THUMPD3: variants seen among roughly 807,000 people sequenced by gnomAD.
THUMPD3 encodes tRNA (guanine(6)-N(2))-methyltransferase THUMP3.
In THUMPD3, 44 loss-of-function variants were observed where a neutral mutation model predicts 54.5. The observed-to-expected ratio is 0.81, with a 90% confidence interval of 0.63 to 1.04. The LOEUF (loss-of-function observed/expected upper bound fraction) is 1.04. THUMPD3 is among the 50% of genes least tolerant of loss of function. The probability of loss-of-function intolerance (pLI) is 0.00; values close to 1 mark genes in which losing one functional copy is unlikely to be tolerated. For missense variants in THUMPD3, 604 were observed against 601.3 expected, an observed-to-expected ratio of 1.00 and a Z score of -0.05; for synonymous variants, 196 against 201.4, an observed-to-expected ratio of 0.97 and a Z score of 0.23.
At chr3:9,370,500 A>T (rs1442532368) in intron 3 of THUMPD3, among the ~76,000 whole-genome samples, 1 of 152,198 alleles carries the variant, frequency 6.6e-6, no homozygotes. Flanking sequence ...GCTGGAGTGC[A>T]TTGGCGTGAT....
chr3:9,383,220 C>T lies in THUMPD3; in HGVS notation c.1146C>T (p.Pro382=). The part of the protein sequence containing the change: ...IKEGKPSWGL[P]IDAVQWDICN... The stretch of plus-strand genomic sequence containing the variant: ...ACAGCAAACCCTCCTGGGGCTTGCC[C>T]ATAGATGCTGTTCAGTGGGATATCT... The change falls in exon 8 of 10, where the codon CCC becomes CCT. Residue 382 remains proline (P), a synonymous_variant. Coordinates refer to ENST00000452837, the MANE Select transcript of THUMPD3 (RefSeq NM_001114092.2). 1.2e-6 allele frequency: 2 copies of T among 1,613,974 alleles called. No homozygotes were observed. Among genetic ancestry groups the T allele is most frequent in the Admixed American group, 3.3e-5 (2 of 60,016 alleles).
At chr3:9,374,166 A>G (rs1384712600) in intron 4 of THUMPD3, among the ~76,000 whole-genome samples, 1 of 152,206 alleles carries the variant, frequency 6.6e-6, no homozygotes, top group Non-Finnish European at 1.5e-5. Flanking sequence ...TATAGTATAT[A>G]GTTTTTTTCG....
At chr3:9,379,860 T>G (rs1481661286) in intron 6 of THUMPD3, among the ~76,000 whole-genome samples, 1 of 151,928 alleles carries the variant, frequency 6.6e-6, no homozygotes, top group Admixed American at 6.6e-5. Context: ...CCCAGCTGAT[T>G]TTTGTGTTTT....
chr3:9,384,180 A>G (rs1390100109), intron 8 of THUMPD3, 32 bp from the exon 9 acceptor site: 13 of 1,604,804 alleles, frequency 8.1e-6, no homozygotes, highest in Non-Finnish European at 1.0e-5. Context: ...TATCTTTTGC[A>G]AGTGTTTGAC....
chr3:9,365,063 G>A lies in THUMPD3; in HGVS notation c.-6G>A, dbSNP rs377385576. 2.0e-5 allele frequency: 32 copies of A among 1,612,778 alleles called. No homozygotes were observed. The African/African-American group carries it at 3.7e-4, about 19-fold the overall frequency. On this transcript the variant is annotated 5_prime_UTR_variant, in exon 2 of 10. Transcript: ENST00000452837. The stretch of plus-strand genomic sequence containing the variant: ...CAGTGTTAGGGATCTTGGAAGCACA[G>A]CCAACATGTGTGACATTGAAGAAGC...
chr3:9,385,098 C>T lies in THUMPD3; in HGVS notation c.*410C>T. The stretch of plus-strand genomic sequence containing the variant: ...GAGGTTGCGGTGAGTCGAGATCACG[C>T]CATTGCACTCCAGCCTGTGCGACAA... On this transcript the variant is annotated 3_prime_UTR_variant, in exon 10 of 10. Transcript: ENST00000452837. 6.0e-6 allele frequency: 1 copy of T among 167,296 alleles called. No homozygotes were observed. Among genetic ancestry groups the T allele is most frequent in the Non-Finnish European group, 1.3e-5 (1 of 76,220 alleles). The allele number at this position is 167,296 out of a possible 1,614,324, so 10.4% of individuals were successfully genotyped here.
rs761831168 is a variant in THUMPD3 at position 9,371,319 on chromosome 3, T to G, written c.590T>G (p.Val197Gly). Residue 197 changes from valine (V) to glycine (G), a missense_variant, in exon 4 of 10, where the codon GTA becomes GGA. Physicochemically the swap from Val to Gly is moderately radical, Grantham distance 109 (BLOSUM62 -3). Coordinates refer to ENST00000452837, the MANE Select transcript of THUMPD3 (RefSeq NM_001114092.2). ...GAAAATCCAGCCATCAAAGAGGATG[T>G]ATCAACATTAATAGGTGATGATTTG... Reference protein sequence around the residue: ...YYENPAIKEDVSTLIGDDLAS... With the variant: ...YYENPAIKEDGSTLIGDDLAS... 2.5e-6 allele frequency: 4 copies of G among 1,614,062 alleles called. No individual in the cohort carries two copies. The East Asian group carries it at 8.9e-5, about 36-fold the overall frequency.
rs1397390944 is a variant in THUMPD3, at chr3:9,386,396, C to T, written c.*1708C>T. Reference sequence around the variant, plus strand: ...CCCCACCCCCCCACCCCCCACTCCACCCCCCACTAAGGGCAGGGTATTGTA... The same window carrying T: ...CCCCACCCCCCCACCCCCCACTCCATCCCCCACTAAGGGCAGGGTATTGTA... On this transcript the variant is annotated 3_prime_UTR_variant, in exon 10 of 10. Transcript: ENST00000452837. 12 of 147,282 alleles carry T rather than the reference C, an allele frequency of 8.1e-5. No homozygotes were observed. In the South Asian group the frequency reaches 1.8e-3, roughly 22 times the overall value. The allele number at this position is 147,282 out of a possible 1,614,324, so 9.1% of individuals were successfully genotyped here.
At chr3:9,370,464 A>AGACAAGAT (rs974139060) in intron 3 of THUMPD3, among the ~76,000 whole-genome samples, 5 of 152,172 alleles carry the variant, frequency 3.3e-5, no homozygotes, top group African/African-American at 1.2e-4. Context: ...TTATTTTTTT[A>AGACAAGAT]GACAAGATCT....
chr3:9,374,464 G>A, intron 4 of THUMPD3, 52 bp from the exon 5 acceptor site: 1 of 1,598,390 alleles, frequency 6.3e-7, no homozygotes, highest in Non-Finnish European at 8.5e-7. Context: ...TTATTACTAA[G>A]CGCAGTTTGA....
At position 9,374,350 on chromosome 3, in the gene THUMPD3, A is replaced by G. The variant is rs146365719; in HGVS notation, c.808-166A>G. ...TTCTGGGCTGTGGTGCGCTATGCCAATCAGGTGTCTGCACTAAGTTTGGCA... is the reference window on the plus strand; with the variant it reads ...TTCTGGGCTGTGGTGCGCTATGCCAGTCAGGTGTCTGCACTAAGTTTGGCA... On this transcript the variant is annotated intron_variant, in intron 4 of 9. Transcript: ENST00000452837. 1.3e-3 allele frequency among the ~76,000 whole-genome samples: 196 copies of G among 152,278 alleles called. 1 individual carries two copies. The highest frequency in any genetic ancestry group is 4.0e-3 in the African/African-American group (167 of 41,542).
Position 9,371,285 on chromosome 3 carries a change from G to C in THUMPD3, c.556G>C (p.Asp186His). ...TSHALDSHILDYYENPAIKED... is the reference protein window; with the variant it reads ...TSHALDSHILHYYENPAIKED... ...CCATGCTTTAGATTCTCATATCTTAGATTATTATGAAAATCCAGCCATCAA... is the reference window on the plus strand; with the variant it reads ...CCATGCTTTAGATTCTCATATCTTACATTATTATGAAAATCCAGCCATCAA... The change falls in exon 4 of 10, where the codon GAT (aspartate) becomes CAT (histidine). Residue 186 changes from aspartate to histidine, a missense_variant. Asp to His is a moderately conservative substitution (Grantham distance 81). Coordinates refer to ENST00000452837, the MANE Select transcript of THUMPD3 (RefSeq NM_001114092.2). The C allele has an allele frequency of 6.2e-7, 1 of 1,613,898 alleles. No homozygotes were observed. Among genetic ancestry groups the C allele is most frequent in the Non-Finnish European group, 8.5e-7 (1 of 1,179,918 alleles).
chr3:9,369,440 A>C (rs1374554393), intron 3 of THUMPD3, among the ~76,000 whole-genome samples: 1 of 152,004 alleles, frequency 6.6e-6, no homozygotes, highest in Non-Finnish European at 1.5e-5. Context: ...TATGATTTTT[A>C]AAATAATTTA....
intron 5 of THUMPD3, among the ~76,000 whole-genome samples, chr3:9,376,851 T>G (rs1374822668): frequency 6.6e-6 from 1 of 152,220 alleles, no homozygotes; most frequent in Non-Finnish European, 1.5e-5. Context: ...GGCAGGTAAC[T>G]TCATGTTTCC....
chr3:9,374,255 C>T (rs2032287375), intron 4 of THUMPD3, among the ~76,000 whole-genome samples: 1 of 152,106 alleles, frequency 6.6e-6, no homozygotes, highest in South Asian at 2.1e-4. Flanking sequence ...ATTTTTATAA[C>T]ACAAACATAT....
In THUMPD3 at chr3:9,371,635, T is replaced by C. The variant is rs1236675409; in HGVS notation, c.807+99T>C. 1.5e-5 allele frequency: 16 copies of C among 1,041,864 alleles called. No homozygotes were observed. The Admixed American group carries it at 3.6e-4, about 23-fold the overall frequency. 64.5% of individuals were successfully genotyped at this position (1,041,864 alleles called of 1,614,324 possible). On this transcript the variant is annotated intron_variant, in intron 4 of 9. Transcript: ENST00000452837. ...GTTATGCACAATTAAACTGAGGAAA[T>C]AGTAGGGTGTGGTTAAGAAGAGCAT...
rs1209500171 is a variant in THUMPD3 at position 9,385,635 on chromosome 3, G to A, written c.*947G>A. 6.6e-6 allele frequency: 1 copy of A among 152,204 alleles called. No individual in the cohort carries two copies. Among genetic ancestry groups the A allele is most frequent in the African/African-American group, 2.4e-5 (1 of 41,450 alleles). 9.4% of individuals were successfully genotyped at this position (152,204 alleles called of 1,614,324 possible). A position where few individuals can be genotyped will look rare whatever the true frequency, so the allele number is the denominator to read the frequency against. ...ACTGTATAGAACTTATTTGTAAATA[G>A]CACATACATTGATAGATGGGGTGTG... On this transcript the variant is annotated 3_prime_UTR_variant, in exon 10 of 10. Coordinates refer to ENST00000452837, the MANE Select transcript of THUMPD3 (RefSeq NM_001114092.2).
chr3:9,381,123 G>T (rs951155220), intron 7 of THUMPD3, among the ~76,000 whole-genome samples: 2 of 152,126 alleles, frequency 1.3e-5, no homozygotes, highest in Admixed American at 6.5e-5. Context: ...CGTAGAGATG[G>T]GGGTCTTGCT....
At chr3:9,368,660 C>G (rs1484726481) in intron 3 of THUMPD3, among the ~76,000 whole-genome samples, 1 of 152,164 alleles carries the variant, frequency 6.6e-6, no homozygotes, top group Admixed American at 6.5e-5. Flanking sequence ...CGCGCCTGGC[C>G]TCCATCTGCC....
Sources: allele counts gnomAD v4.1 joint callset (sites outside exome capture counted in the v4.1 genomes callset), GRCh38; gene constraint gnomAD v4.1.1; transcripts MANE v1.5; gene names NCBI Gene and HGNC (gene_info 2026-07-23, HGNC 2026-07-21).